Variants in WASHC3 observed in about 807,000 individuals in gnomAD.
WASHC3 encodes the protein WASH complex subunit CCDC53.
A neutral mutation model predicts 26.1 loss-of-function variants in WASHC3; 24 were observed. The ratio of observed to expected loss-of-function variants is 0.92; its 90% CI spans 0.66 to 1.29. WASHC3 has a LOEUF of 1.29. Ranked by LOEUF, WASHC3 falls within the 50% of genes most tolerant of loss-of-function variation. WASHC3 has a pLI of 0.00. For missense variants in WASHC3, 214 were observed against 229.6 expected (o/e 0.93, Z 0.44); for synonymous variants, 77 against 75.7 (o/e 1.02, Z -0.09).
intron 5 of WASHC3, among the ~76,000 whole-genome samples, chr12:102,032,511 T>A (rs532844834): frequency 6.6e-6 from 1 of 152,086 alleles, no homozygotes; most frequent in Non-Finnish European, 1.5e-5. Context: ...ATGACAAACA[T>A]TAAATCAAAA....
chr12:102,026,097 C>T (rs1877177758), intron 5 of WASHC3, 59 bp from the exon 6 acceptor site: 2 of 921,300 alleles, frequency 2.2e-6, no homozygotes, highest in African/African-American at 1.7e-5. Context: ...TATGTCGACA[C>T]ATACCATCTA....
chr12:102,025,097 AC>A (rs1166260078), intron 6 of WASHC3, among the ~76,000 whole-genome samples: 1 of 152,192 alleles, frequency 6.6e-6, no homozygotes, highest in Non-Finnish European at 1.5e-5. Flanking sequence ...ATAATGTTTT[AC>A]CTCCAAAGTG....
intron 6 of WASHC3, among the ~76,000 whole-genome samples, chr12:102,024,397 A>C (rs1877086673): frequency 6.6e-6 from 1 of 152,174 alleles, no homozygotes; most frequent in African/African-American, 2.4e-5. Flanking sequence ...TGAGGGCGTG[A>C]ACTAAACGGC....
intron 3 of WASHC3, 45 bp downstream of exon 3, chr12:102,046,009 T>C (rs1243632274): frequency 9.2e-7 from 1 of 1,087,720 alleles, no homozygotes; most frequent in South Asian, 1.4e-5. Context: ...AAAGCTGGTA[T>C]ATGCACAGCA....
intron 5 of WASHC3, among the ~76,000 whole-genome samples, chr12:102,030,086 G>A (rs1298215826): frequency 6.6e-6 from 1 of 151,836 alleles, no homozygotes; most frequent in Non-Finnish European, 1.5e-5. Context: ...ACCTGAGGTC[G>A]GGAGTTCGAG....
chr12:102,059,883 G>A (rs1354121695), intron 2 of WASHC3: 4 of 152,116 alleles, frequency 2.6e-5, no homozygotes, highest in East Asian at 1.9e-4. Context: ...TAGTAGGAAC[G>A]AAATAAAACT....
At chr12:102,035,597 A>C (rs1436954916) in intron 5 of WASHC3, among the ~76,000 whole-genome samples, 4 of 152,214 alleles carry the variant, frequency 2.6e-5, no homozygotes, top group Admixed American at 2.6e-4. Context: ...AACTTGAAGA[A>C]ATGAGAGCAT....
At chr12:102,031,189 CT>C (rs1877423091) in intron 5 of WASHC3, among the ~76,000 whole-genome samples, 2 of 152,082 alleles carry the variant, frequency 1.3e-5, no homozygotes, top group Non-Finnish European at 2.9e-5. Flanking sequence ...TTTGAAATTT[CT>C]TGTCAAAAGT....
At chr12:102,040,589 A>T (rs951293398) in intron 4 of WASHC3, among the ~76,000 whole-genome samples, 14 of 152,168 alleles carry the variant, frequency 9.2e-5, no homozygotes, top group African/African-American at 2.6e-4. Context: ...TTGTCTACAG[A>T]GTGGTTAAAA....
At chr12:102,029,625 G>GA (rs1249695941) in intron 5 of WASHC3, among the ~76,000 whole-genome samples, 8 of 152,114 alleles carry the variant, frequency 5.3e-5, no homozygotes, top group Non-Finnish European at 8.8e-5. Flanking sequence ...TTAGAAGGGG[G>GA]AAAAACAACT....
rs537303013 is a variant in WASHC3, at chr12:102,057,027, G to A, written c.150+4221C>T. Among the ~76,000 whole-genome samples the A allele has an allele frequency of 1.8e-4, 28 of 152,140 alleles. No homozygotes were observed. In the South Asian group the frequency reaches 2.1e-3, roughly 11 times the overall value. ...AAGCAAAAATCCTCTACAAAATACTGGCAAGCTGAATACAACAGCGCATTA... is the reference window on the plus strand; with the variant it reads ...AAGCAAAAATCCTCTACAAAATACTAGCAAGCTGAATACAACAGCGCATTA... On this transcript the variant is annotated intron_variant, in intron 2 of 6. Transcript: ENST00000240079.
At chr12:102,021,111 A>AAACAAAC (rs1876939345) in intron 6 of WASHC3, among the ~76,000 whole-genome samples, 1 of 151,830 alleles carries the variant, frequency 6.6e-6, no homozygotes, top group South Asian at 2.1e-4. Context: ...CAAAAACAAA[A>AAACAAAC]AACAAACAAA....
At chr12:102,058,116 T>C (rs1878665688) in intron 2 of WASHC3, among the ~76,000 whole-genome samples, 1 of 151,998 alleles carries the variant, frequency 6.6e-6, no homozygotes, top group Admixed American at 6.6e-5. Flanking sequence ...GAGAAAGATG[T>C]TAAGAACACA....
rs1198046905 is a variant in WASHC3, at chr12:102,061,959, C to A, written c.4G>T (p.Asp2Tyr). 1.3e-6 allele frequency: 2 copies of A among 1,597,568 alleles called. No homozygotes were observed. The highest frequency in any genetic ancestry group is 1.7e-6 in the Non-Finnish European group (2 of 1,171,186). Residue 2 changes from aspartate to tyrosine, a missense_variant, in exon 1 of 7, where the codon GAT becomes TAT. Transcript: ENST00000240079. M[D>Y]EDGLPLMGSG... The stretch of plus-strand genomic sequence containing the variant: ...CCCATGAGAGGAAGCCCGTCCTCAT[C>A]CATCTCCTCAGCGGGCGGTGGACCC...
At chr12:102,023,547 C>T (rs912446968) in intron 6 of WASHC3, among the ~76,000 whole-genome samples, 2 of 152,170 alleles carry the variant, frequency 1.3e-5, no homozygotes, top group Non-Finnish European at 2.9e-5. Context: ...TCATCTCATA[C>T]TTTTCTCCTG....
At chr12:102,042,474 G>A (rs1252728579) in intron 4 of WASHC3, among the ~76,000 whole-genome samples, 2 of 152,118 alleles carry the variant, frequency 1.3e-5, no homozygotes, top group Non-Finnish European at 2.9e-5. Context: ...AGTGAAGCAG[G>A]TAAGTGCTAG....
At chr12:102,046,380 C>T (rs1234475956) in intron 2 of WASHC3, among the ~76,000 whole-genome samples, 2 of 152,174 alleles carry the variant, frequency 1.3e-5, no homozygotes. Flanking sequence ...CCTGCAACCC[C>T]TGCCCCCTGG....
At chr12:102,046,152 T>C (rs1878153406) in intron 2 of WASHC3, 33 bp from the exon 3 acceptor site, 1 of 1,235,032 alleles carries the variant, frequency 8.1e-7, no homozygotes, top group Non-Finnish European at 1.2e-6. Context: ...ATAAAGACTT[T>C]AATTAAAATA....
intron 5 of WASHC3, among the ~76,000 whole-genome samples, chr12:102,026,813 C>A (rs909251964): frequency 6.6e-6 from 1 of 152,162 alleles, no homozygotes; most frequent in Non-Finnish European, 1.5e-5. Context: ...CCTCTCTTCA[C>A]ACCATCCCCA....
Sources: gnomAD v4.1 joint callset for allele counts (sites outside exome capture counted in the v4.1 genomes callset) on GRCh38, gnomAD v4.1.1 for gene constraint, MANE v1.5 for transcripts, NCBI Gene and HGNC (gene_info 2026-07-23, HGNC 2026-07-21) for gene names.